Variants in LRP1B observed in about 807,000 individuals in gnomAD.
LRP1B encodes low-density lipoprotein receptor-related protein 1B.
A neutral mutation model predicts 556.6 loss-of-function variants in LRP1B; 217 were observed. The ratio of observed to expected loss-of-function variants is 0.39; its 90% CI spans 0.35 to 0.44. The LOEUF (loss-of-function observed/expected upper bound fraction) is 0.44, where lower values mean the gene tolerates loss of function less well. Ranked by LOEUF, LRP1B falls within the 20% of genes least tolerant of loss-of-function variation. LRP1B has a pLI of 1.00. For missense variants in LRP1B, 5,053 were observed against 5,620.8 expected (o/e 0.90, Z 3.23); for synonymous variants, 2,047 against 1,865.8 (o/e 1.10, Z -2.50).
At chr2:141,785,233 A>C (rs1352342795) in intron 2 of LRP1B, among the ~76,000 whole-genome samples, 1 of 151,926 alleles carries the variant, frequency 6.6e-6, no homozygotes, top group African/African-American at 2.4e-5. Flanking sequence ...AGAGATGGCA[A>C]TATCATGAAA....
chr2:141,561,284 T>C (rs920686546), intron 2 of LRP1B, among the ~76,000 whole-genome samples: 3 of 151,832 alleles, frequency 2.0e-5, no homozygotes, highest in Non-Finnish European at 4.4e-5. Flanking sequence ...AACATTGAAA[T>C]TAAATATTCC....
chr2:140,303,361 C>T (rs1334786939), intron 83 of LRP1B, among the ~76,000 whole-genome samples: 1 of 151,982 alleles, frequency 6.6e-6, no homozygotes, highest in Non-Finnish European at 1.5e-5. Context: ...AATTCTGCTG[C>T]CTCAGCCTCC....
rs143852777 is a variant in LRP1B at position 140,740,640 on chromosome 2, TCCCCCAAAACCTA to T, written c.5759-23837_5759-23825del. On this transcript the variant is annotated intron_variant, in intron 35 of 90. Coordinates refer to ENST00000389484, the MANE Select transcript of LRP1B (RefSeq NM_018557.3). Reference sequence around the variant, plus strand: ...ACTCATGTAACCAAACACCACCTGTTCCCCCAAAACCTATGGAAAAAGAAAAATGAAATTTATT... The same window carrying T: ...ACTCATGTAACCAAACACCACCTGTTTGGAAAAAGAAAAATGAAATTTATT... 0.019 allele frequency among the ~76,000 whole-genome samples: 2,931 copies of T among 152,122 alleles called. 189 individuals carry two copies. In the East Asian group the frequency reaches 0.22, roughly 12 times the overall value.
chr2:140,364,538 T>C (rs1483472355), intron 72 of LRP1B, 123 bp downstream of exon 72: 1 of 1,126,214 alleles, frequency 8.9e-7, no homozygotes, highest in Non-Finnish European at 1.2e-6. Flanking sequence ...TCTGTGGTTA[T>C]ACTTTATCTA....
At chr2:140,370,342 C>T (rs776102448) in intron 71 of LRP1B, among the ~76,000 whole-genome samples, 1 of 151,888 alleles carries the variant, frequency 6.6e-6, no homozygotes, top group Non-Finnish European at 1.5e-5. Flanking sequence ...GTAAGGCAAG[C>T]AATGTGAAAG....
chr2:141,142,507 T>C (rs1175025685), intron 7 of LRP1B, among the ~76,000 whole-genome samples: 1 of 152,118 alleles, frequency 6.6e-6, no homozygotes, highest in Admixed American at 6.6e-5. Context: ...TACCAGAAAA[T>C]TATGGTATCT....
intron 76 of LRP1B, 73 bp downstream of exon 76, chr2:140,352,880 A>G (rs1011109019): frequency 4.5e-5 from 64 of 1,431,036 alleles, no homozygotes; most frequent in Non-Finnish European, 5.9e-5. Context: ...GGAATGAAAT[A>G]TAAAACATTT....
intron 62 of LRP1B, among the ~76,000 whole-genome samples, chr2:140,454,870 G>A (rs1352192965): frequency 1.4e-5 from 2 of 146,114 alleles, no homozygotes; most frequent in African/African-American, 4.9e-5. Flanking sequence ...AAAGAATGCT[G>A]TGATTTTGTT....
intron 1 of LRP1B, among the ~76,000 whole-genome samples, chr2:141,987,058 A>G (rs1423785592): frequency 1.3e-5 from 2 of 151,990 alleles, no homozygotes; most frequent in Non-Finnish European, 2.9e-5. Flanking sequence ...CTTTAGAACA[A>G]TACCAGGCAC....
At chr2:140,335,887 G>T in intron 77 of LRP1B, 49 bp from the exon 78 acceptor site, 1 of 1,217,102 alleles carries the variant, frequency 8.2e-7, no homozygotes, top group South Asian at 1.2e-5. Flanking sequence ...CAGGAAATTA[G>T]CGGAGTTTTC....
At position 140,950,269 on chromosome 2, in the gene LRP1B, G is replaced by A. The variant is rs769450970; in HGVS notation, c.3102C>T (p.Phe1034=). ...TACAATTGATCTGGGCTTCATCACT[G>A]AAGTCCCCACAGTCATTGTCACCAT... ...ACDGDNDCGD[F]SDEAQINCTK... is the part of the protein sequence containing the mutation. Residue 1034 remains phenylalanine (F), a synonymous_variant, in exon 20 of 91, where the codon TTC becomes TTT. Coordinates refer to ENST00000389484, the MANE Select transcript of LRP1B (RefSeq NM_018557.3). 1.6e-5 allele frequency: 25 copies of A among 1,606,490 alleles called. No homozygotes were observed. The highest frequency in any genetic ancestry group is 2.7e-5 in the African/African-American group (2 of 74,296).
chr2:141,700,335 C>G (rs1299035520), intron 2 of LRP1B, among the ~76,000 whole-genome samples: 4 of 151,628 alleles, frequency 2.6e-5, no homozygotes, highest in Admixed American at 2.0e-4. Flanking sequence ...CTTCTGTATT[C>G]CCAGTGCTTG....
intron 2 of LRP1B, among the ~76,000 whole-genome samples, chr2:141,739,234 C>T (rs1044170599): frequency 6.6e-6 from 1 of 152,012 alleles, no homozygotes; most frequent in African/African-American, 2.4e-5. Flanking sequence ...TCTTTAAGTG[C>T]TAATCAGATC....
intron 3 of LRP1B, among the ~76,000 whole-genome samples, chr2:141,467,801 T>TTTTGTTTG (rs71338142): frequency 1.9e-4 from 23 of 120,074 alleles, no homozygotes; most frequent in African/African-American, 6.7e-4. Flanking sequence ...GCACACTGCT[T>TTTTGTTTG]TTTGTTTGTT....
At chr2:141,109,357 G>C (rs891493708) in intron 7 of LRP1B, among the ~76,000 whole-genome samples, 2 of 152,026 alleles carry the variant, frequency 1.3e-5, no homozygotes, top group Non-Finnish European at 2.9e-5. Context: ...TAATAAATAG[G>C]CTCCATCTGG....
intron 78 of LRP1B, among the ~76,000 whole-genome samples, chr2:140,334,813 T>A (rs539321607): frequency 7.2e-5 from 11 of 152,208 alleles, no homozygotes; most frequent in Non-Finnish European, 1.3e-4. Context: ...CAGCTCATTA[T>A]TTAATATCCA....
At chr2:140,685,679 C>A (rs1437474924) in intron 41 of LRP1B, among the ~76,000 whole-genome samples, 2 of 152,172 alleles carry the variant, frequency 1.3e-5, no homozygotes, top group Admixed American at 1.3e-4. Flanking sequence ...GCAAATGAAG[C>A]TTTCAGACAA....
chr2:142,108,836 C>T (rs993603827), intron 1 of LRP1B, among the ~76,000 whole-genome samples: 3 of 152,146 alleles, frequency 2.0e-5, no homozygotes, highest in Admixed American at 1.3e-4. Context: ...TAAAAAGGGA[C>T]AAAAGAATCC....
intron 1 of LRP1B, among the ~76,000 whole-genome samples, chr2:141,840,459 G>A (rs1211705060): frequency 4.0e-5 from 6 of 151,622 alleles, no homozygotes; most frequent in African/African-American, 1.2e-4. Flanking sequence ...GAGACTCTGC[G>A]TGTTAGCCAG....
Sources: gnomAD v4.1 joint callset for allele counts (sites outside exome capture counted in the v4.1 genomes callset) on GRCh38, gnomAD v4.1.1 for gene constraint, MANE v1.5 for transcripts, NCBI Gene and HGNC (gene_info 2026-07-23, HGNC 2026-07-21) for gene names.